Variants in AKAP6 observed in about 807,000 individuals in gnomAD.
AKAP6 encodes the protein A-kinase anchoring protein 6, also known as A-kinase anchor protein 6.
Under a neutral mutation model 188.5 loss-of-function variants are expected in AKAP6, and 58 were observed. That is an observed-to-expected ratio of 0.31 (90% CI 0.25 to 0.38). The LOEUF (loss-of-function observed/expected upper bound fraction) is 0.38, where lower values mean the gene tolerates loss of function less well. AKAP6 is among the 10% of genes least tolerant of loss of function. The pLI, the probability that AKAP6 is intolerant of heterozygous loss-of-function variation, is 1.00. For missense variants in AKAP6, 2,710 were observed against 2,740.0 expected, an observed-to-expected ratio of 0.99 and a Z score of 0.24; for synonymous variants, 989 against 998.6, an observed-to-expected ratio of 0.99 and a Z score of 0.18.
chr14:32,795,582 A>G (rs1427991107), intron 12 of AKAP6, among the ~76,000 whole-genome samples: 2 of 152,218 alleles, frequency 1.3e-5, no homozygotes, highest in Non-Finnish European at 2.9e-5. Context: ...CTTTGATAAA[A>G]TCCAGTATCC....
At chr14:32,495,544 T>A (rs1049071535) in intron 2 of AKAP6, 1 of 152,220 alleles carries the variant, frequency 6.6e-6, no homozygotes, top group Non-Finnish European at 1.5e-5. Context: ...CTTCACTCCC[T>A]AACTAGACAG....
chr14:32,806,334 C>A (rs1312028545), intron 12 of AKAP6, among the ~76,000 whole-genome samples: 1 of 152,168 alleles, frequency 6.6e-6, no homozygotes, highest in Non-Finnish European at 1.5e-5. Flanking sequence ...GGTGAGTCTG[C>A]TTGATTCACC....
At chr14:32,776,448 A>T (rs928869257) in intron 12 of AKAP6, among the ~76,000 whole-genome samples, 3 of 152,180 alleles carry the variant, frequency 2.0e-5, no homozygotes, top group Admixed American at 6.5e-5. Context: ...AGGCCTCCCC[A>T]GCCACATGGA....
intron 7 of AKAP6, among the ~76,000 whole-genome samples, chr14:32,655,617 C>T (rs751015651): frequency 2.6e-5 from 4 of 151,968 alleles, no homozygotes; most frequent in African/African-American, 7.2e-5. Context: ...TCGTGTTGGC[C>T]CTTAGAGGAC....
intron 12 of AKAP6, among the ~76,000 whole-genome samples, chr14:32,807,713 C>A (rs1246889343): frequency 5.9e-5 from 9 of 152,170 alleles, no homozygotes; most frequent in Non-Finnish European, 7.4e-5. Context: ...AAATAAAGAA[C>A]TTTTCCTGTC....
chr14:32,764,555 T>C (rs2032643980), intron 11 of AKAP6, among the ~76,000 whole-genome samples: 1 of 152,200 alleles, frequency 6.6e-6, no homozygotes, highest in Admixed American at 6.5e-5. Flanking sequence ...TAGCATATTG[T>C]TTTTGTGAAT....
intron 2 of AKAP6, among the ~76,000 whole-genome samples, chr14:32,456,627 A>C (rs145513361): frequency 3.8e-3 from 582 of 152,330 alleles, no homozygotes; most frequent in Non-Finnish European, 6.4e-3. Flanking sequence ...ATCATTCGAT[A>C]ATGGTTTGTC....
intron 9 of AKAP6, among the ~76,000 whole-genome samples, chr14:32,697,922 C>T (rs1890468073): frequency 6.6e-6 from 1 of 152,110 alleles, no homozygotes; most frequent in Non-Finnish European, 1.5e-5. Context: ...CAAACATTTT[C>T]TGTACTGTGA....
chr14:32,796,721 A>G (rs373215749), intron 12 of AKAP6, among the ~76,000 whole-genome samples: 2 of 151,850 alleles, frequency 1.3e-5, no homozygotes, highest in African/African-American at 2.4e-5. Context: ...ACATAGCCAT[A>G]CCATTCAGGA....
intron 1 of AKAP6, among the ~76,000 whole-genome samples, chr14:32,414,496 G>A (rs969964333): frequency 1.3e-5 from 2 of 152,200 alleles, no homozygotes; most frequent in Middle Eastern, 3.4e-3. Context: ...ATGATGCTCT[G>A]AATATTATTT....
At chr14:32,340,029 G>A (rs1299813491) in intron 1 of AKAP6, among the ~76,000 whole-genome samples, 2 of 150,058 alleles carry the variant, frequency 1.3e-5, no homozygotes, top group Admixed American at 1.3e-4. Flanking sequence ...CCTATTTTTA[G>A]AATGCCTTTT....
intron 1 of AKAP6, among the ~76,000 whole-genome samples, chr14:32,421,299 C>A (rs1449410235): frequency 1.3e-5 from 2 of 151,836 alleles, no homozygotes; most frequent in East Asian, 3.9e-4. Context: ...CCTTCAGGAA[C>A]TCCTTTCCTC....
intron 2 of AKAP6, among the ~76,000 whole-genome samples, chr14:32,437,310 G>A (rs572268148): frequency 1.3e-4 from 20 of 152,104 alleles, no homozygotes; most frequent in African/African-American, 4.6e-4. Flanking sequence ...GTTTGATGAG[G>A]GGCAAGCACA....
intron 12 of AKAP6, among the ~76,000 whole-genome samples, chr14:32,789,882 G>A (rs1349731383): frequency 6.6e-6 from 1 of 152,188 alleles, no homozygotes; most frequent in Non-Finnish European, 1.5e-5. Flanking sequence ...TGGCTGAATT[G>A]ACAGAAGTAG....
rs907765376 is a variant in AKAP6, at chr14:32,822,514, T to G, written c.4701T>G (p.Ser1567=). 4 of 1,614,066 alleles carry G rather than the reference T, an allele frequency of 2.5e-6. No individual in the cohort carries two copies. The highest frequency in any genetic ancestry group is 3.4e-6 in the Non-Finnish European group (4 of 1,179,964). The change falls in exon 13 of 14, where the codon TCT becomes TCG. Residue 1567 remains serine (S), a synonymous_variant. Coordinates refer to ENST00000280979, the MANE Select transcript of AKAP6 (RefSeq NM_004274.5). ...KQLSLLSHSS[S]IESLSPGGDL... is the part of the protein sequence containing the mutation. ...TCTCCCTTTTATCTCATAGTTCATC[T>G]ATTGAGTCCCTTTCTCCAGGGGGTG...
chr14:32,765,379 A>T (rs1264564474), intron 11 of AKAP6, among the ~76,000 whole-genome samples: 1 of 152,154 alleles, frequency 6.6e-6, no homozygotes, highest in African/African-American at 2.4e-5. Flanking sequence ...TTTTGCACTG[A>T]TACTAACACC....
intron 5 of AKAP6, among the ~76,000 whole-genome samples, chr14:32,589,620 A>G (rs1885398036): frequency 6.6e-6 from 1 of 152,168 alleles, no homozygotes; most frequent in Non-Finnish European, 1.5e-5. Context: ...CTGGGAATGT[A>G]CTTTTTGCCT....
intron 2 of AKAP6, among the ~76,000 whole-genome samples, chr14:32,457,298 C>T (rs1011270227): frequency 2.0e-5 from 3 of 152,062 alleles, no homozygotes; most frequent in Non-Finnish European, 2.9e-5. Flanking sequence ...GGCTGAAGCT[C>T]CCTTGGCAAT....
chr14:32,796,636 C>G (rs1566718042), intron 12 of AKAP6, among the ~76,000 whole-genome samples: 1 of 152,104 alleles, frequency 6.6e-6, no homozygotes, highest in East Asian at 1.9e-4. Context: ...TTAACTCAAC[C>G]GATGGATTAA....
Sources: allele counts gnomAD v4.1 joint callset (sites outside exome capture counted in the v4.1 genomes callset), GRCh38; gene constraint gnomAD v4.1.1; transcripts MANE v1.5; gene names NCBI Gene and HGNC (gene_info 2026-07-23, HGNC 2026-07-21).